UCN3: variants seen among roughly 807,000 people sequenced by gnomAD.
UCN3 encodes urocortin 3.
In UCN3, 3 loss-of-function variants were observed where a neutral mutation model predicts 3.6. The ratio of observed to expected loss-of-function variants is 0.83; its 90% CI spans 0.38 to 2.15. The LOEUF is 2.15. Ranked by LOEUF, UCN3 falls within the 30% of genes most tolerant of loss-of-function variation. UCN3 has a pLI of 0.06. For missense variants in UCN3, 206 were observed against 208.3 expected (o/e 0.99, Z 0.07); for synonymous variants, 100 against 93.2 (o/e 1.07, Z -0.42).
At position 5,372,353 on chromosome 10, in the gene UCN3, G is replaced by A. The variant is rs1185601902; in HGVS notation, c.-6-1362G>A. Among the ~76,000 whole-genome samples, 8 of 152,306 alleles carry A rather than the reference G, an allele frequency of 5.3e-5. No individual in the cohort carries two copies. The South Asian group carries it at 1.2e-3, about 24-fold the overall frequency. Reference sequence around the variant, plus strand: ...TGATGCTGCTACTGTGAAGGAGCCCGGCGGGAGGGTGCAGGTGGCTCAGCA... The same window carrying A: ...TGATGCTGCTACTGTGAAGGAGCCCAGCGGGAGGGTGCAGGTGGCTCAGCA... On this transcript the variant is annotated intron_variant, in intron 1 of 1. Transcript: ENST00000380433.
rs188656352 is a variant in UCN3, at chr10:5,368,345, G to A, written c.-7+3115G>A. 2.9e-3 allele frequency among the ~76,000 whole-genome samples: 441 copies of A among 152,226 alleles called. 6 individuals are homozygous for A. The highest frequency in any genetic ancestry group is 5.2e-3 in the Non-Finnish European group (352 of 68,002). ...GCTTACACCCACCCAGAGTCCAGGC[G>A]CCTTTCATTTGGTGAAAATCAAGAA... On this transcript the variant is annotated intron_variant, in intron 1 of 1. Coordinates refer to ENST00000380433, the MANE Select transcript of UCN3 (RefSeq NM_053049.4).
rs973722558 is a variant in UCN3 at position 5,374,154 on chromosome 10, C to T, written c.434C>T (p.Ala145Val). 1 of 1,612,690 alleles carries T rather than the reference C, an allele frequency of 6.2e-7. No homozygotes were observed. The highest frequency in any genetic ancestry group is 8.5e-7 in the Non-Finnish European group (1 of 1,179,776). The change falls in exon 2 of 2, where the codon GCC becomes GTC. Residue 145 changes from alanine (A) to valine (V), a missense_variant. Coordinates refer to ENST00000380433, the MANE Select transcript of UCN3 (RefSeq NM_053049.4). ...FNIAKAKNLR[A>V]QAAANAHLMA... ...ATCGCCAAGGCCAAGAACCTGCGTG[C>T]CCAGGCGGCCGCCAATGCCCACCTG...
intron 1 of UCN3, among the ~76,000 whole-genome samples, chr10:5,371,664 C>T (rs181213917): frequency 6.6e-6 from 1 of 152,092 alleles, no homozygotes; most frequent in African/African-American, 2.4e-5. Context: ...GAGACTGGAG[C>T]TTGAGCACCG....
rs372168809 is a variant in UCN3, at chr10:5,371,437, T to G, written c.-6-2278T>G. On this transcript the variant is annotated intron_variant, in intron 1 of 1. Coordinates refer to ENST00000380433, the MANE Select transcript of UCN3 (RefSeq NM_053049.4). ...GTGTGCTTGTCTATGTTCCTGTGCGTCCTGTGTGTGTGTCTGTTTCCAGGG... is the reference window on the plus strand; with the variant it reads ...GTGTGCTTGTCTATGTTCCTGTGCGGCCTGTGTGTGTGTCTGTTTCCAGGG... 6.5e-3 allele frequency among the ~76,000 whole-genome samples: 994 copies of G among 152,158 alleles called. 14 individuals are homozygous for G. Among genetic ancestry groups the G allele is most frequent in the African/African-American group, 0.023 (954 of 41,464 alleles).
rs1834109735 is a variant in UCN3, at chr10:5,365,624, GAC to G, written c.-7+395_-7+396del. 6.6e-6 allele frequency among the ~76,000 whole-genome samples: 1 copy of G among 152,176 alleles called. No homozygotes were observed. The highest frequency in any genetic ancestry group is 1.5e-5 in the Non-Finnish European group (1 of 68,032). ...GGGGCTAATGGGAGCCACAGGACAT[GAC>G]TCCACGCCGCCTGCAAAGCAGCGAG... On this transcript the variant is annotated intron_variant, in intron 1 of 1. Coordinates refer to ENST00000380433, the MANE Select transcript of UCN3 (RefSeq NM_053049.4). The surrounding 1 kb of genome is among the most constrained non-coding windows in gnomAD (Gnocchi z 4.4).
intron 1 of UCN3, among the ~76,000 whole-genome samples, chr10:5,371,285 A>G (rs550004269): frequency 2.0e-5 from 3 of 150,668 alleles, no homozygotes; most frequent in South Asian, 4.2e-4. Flanking sequence ...GCATGTATAT[A>G]TGTGTGTGCA....
chr10:5,371,845 T>C (rs528549432), intron 1 of UCN3, among the ~76,000 whole-genome samples: 3 of 152,358 alleles, frequency 2.0e-5, no homozygotes, highest in Admixed American at 6.5e-5. Flanking sequence ...CCCAAGTTGA[T>C]AGTGAACCAC....
At chr10:5,370,204 C>CGT (rs1564442520) in intron 1 of UCN3, among the ~76,000 whole-genome samples, 3 of 5,468 alleles carry the variant, frequency 5.5e-4, no homozygotes, top group African/African-American at 9.5e-4. Context: ...TGTGTATATG[C>CGT]GTGTGTATGT....
intron 1 of UCN3, among the ~76,000 whole-genome samples, chr10:5,373,279 C>A (rs1279416084): frequency 6.6e-6 from 1 of 152,166 alleles, no homozygotes; most frequent in Non-Finnish European, 1.5e-5. Context: ...GTCAGCCTTG[C>A]CAATGATGAA....
chr10:5,373,930 AGAG>A lies in UCN3; in HGVS notation c.221_223del (p.Glu74del), dbSNP rs782750409. 30 of 1,612,906 alleles carry A rather than the reference AGAG, an allele frequency of 1.9e-5. 1 individual carries two copies. The highest frequency in any genetic ancestry group is 6.7e-5 in the African/African-American group (5 of 74,800). ...TGCGCAGCAGAGACGCCTCTTCGGG[AGAG>A]GAGGAGGAGGGCAAAGAGAAAAAGA... On this transcript the variant is annotated inframe_deletion, in exon 2 of 2. Coordinates refer to ENST00000380433, the MANE Select transcript of UCN3 (RefSeq NM_053049.4).
intron 1 of UCN3, among the ~76,000 whole-genome samples, chr10:5,371,076 G>A (rs1564443961): frequency 6.6e-6 from 1 of 150,598 alleles, no homozygotes; most frequent in African/African-American, 2.5e-5. Flanking sequence ...TGTGAGGTGT[G>A]TATGTGTGTG....
intron 1 of UCN3, among the ~76,000 whole-genome samples, chr10:5,370,665 ATGTGTGTGTATGTG>A (rs1831383978): frequency 1.5e-5 from 1 of 68,466 alleles, no homozygotes; most frequent in Non-Finnish European, 2.7e-5. Context: ...ATGTGTGTGT[ATGTGTGTGTATGTG>A]TGTGTGTATG....
chr10:5,370,414 TGTGTGTATATGC>T lies in UCN3; in HGVS notation c.-6-3280_-6-3269del, dbSNP rs1158320474. ...GTGTGTATATGTGTGTGTATATGTGTGTGTGTATATGCGTGTGTATATGCGTGTGTATGTGTG... is the reference window on the plus strand; with the variant it reads ...GTGTGTATATGTGTGTGTATATGTGTGTGTGTATATGCGTGTGTATGTGTG... On this transcript the variant is annotated intron_variant, in intron 1 of 1. Coordinates refer to ENST00000380433, the MANE Select transcript of UCN3 (RefSeq NM_053049.4). 2.8e-4 allele frequency among the ~76,000 whole-genome samples: 31 copies of T among 110,592 alleles called. 4 individuals are homozygous for T. Among genetic ancestry groups the T allele is most frequent in the East Asian group, 1.0e-3 (3 of 2,896 alleles). The allele number at this position is 110,592 out of a possible 152,430, so 72.6% of individuals were successfully genotyped here.
Position 5,365,733 on chromosome 10 carries a change from A to G in UCN3, c.-7+503A>G, listed in dbSNP as rs1346204106. ...TCACTCTCGGGCACACCTGTGAAGC[A>G]GGTAACGTCTCCTTCCTAGGACGCG... On this transcript the variant is annotated intron_variant, in intron 1 of 1. Transcript: ENST00000380433. This position sits in a 1 kb window ranked among gnomAD's most constrained non-coding sequence, Gnocchi z 4.4. 6.6e-6 allele frequency among the ~76,000 whole-genome samples: 1 copy of G among 152,194 alleles called. No homozygotes were observed. The highest frequency in any genetic ancestry group is 1.5e-5 in the Non-Finnish European group (1 of 68,038).
intron 1 of UCN3, among the ~76,000 whole-genome samples, chr10:5,369,863 G>GTGTGTGTGTGTGTGTGTA (rs1831314402): frequency 7.4e-6 from 1 of 134,902 alleles, no homozygotes; most frequent in African/African-American, 3.2e-5. Context: ...ATCCACGTGG[G>GTGTGTGTGTGTGTGTGTA]TGTGTGTGTA....
rs781832102 is a variant in UCN3 at position 5,374,210 on chromosome 10, C to T, written c.*4C>T. On this transcript the variant is annotated 3_prime_UTR_variant, in exon 2 of 2. Transcript: ENST00000380433. ...GCAAATTGGGAGGAAGAAGTAGAGGCGGAGGCTGGACGGGAGGGCAGCGGG... is the reference window on the plus strand; with the variant it reads ...GCAAATTGGGAGGAAGAAGTAGAGGTGGAGGCTGGACGGGAGGGCAGCGGG... The T allele has an allele frequency of 1.7e-5, 21 of 1,254,644 alleles. No individual in the cohort carries two copies. Among genetic ancestry groups the T allele is most frequent in the Middle Eastern group, 4.6e-4 (2 of 4,346 alleles). 77.7% of individuals were successfully genotyped at this position (1,254,644 alleles called of 1,614,324 possible).
At chr10:5,369,879 GTGTGTATA>G (rs1831317556) in intron 1 of UCN3, among the ~76,000 whole-genome samples, 2 of 144,556 alleles carry the variant, frequency 1.4e-5, no homozygotes, top group African/African-American at 5.2e-5. Flanking sequence ...GTGTATATGT[GTGTGTATA>G]TGTGTGTGTG....
chr10:5,371,813 A>G (rs782082093), intron 1 of UCN3, among the ~76,000 whole-genome samples: 8 of 152,194 alleles, frequency 5.3e-5, no homozygotes, highest in Non-Finnish European at 1.2e-4. Flanking sequence ...ATTTTGAAAA[A>G]CTAACGTAAG....
chr10:5,370,102 CGTGTGTATATGT>C lies in UCN3; in HGVS notation c.-6-3604_-6-3593del, dbSNP rs1230200799. 1.5e-3 allele frequency among the ~76,000 whole-genome samples: 50 copies of C among 33,302 alleles called. 11 individuals are homozygous for C. The highest frequency in any genetic ancestry group is 5.2e-3 in the South Asian group (2 of 388). The allele number at this position is 33,302 out of a possible 152,430, so 21.8% of individuals were successfully genotyped here. A position where few individuals can be genotyped will look rare whatever the true frequency, so the allele number is the denominator to read the frequency against. On this transcript the variant is annotated intron_variant, in intron 1 of 1. Coordinates refer to ENST00000380433, the MANE Select transcript of UCN3 (RefSeq NM_053049.4). ...GCGTGTGTATATGCGTGTGTATATG[CGTGTGTATATGT>C]GTGTGTATGTGTGTGTATGTGTGTG...
Sources: allele counts gnomAD v4.1 joint callset (sites outside exome capture counted in the v4.1 genomes callset), GRCh38; gene constraint gnomAD v4.1.1; non-coding constraint Gnocchi (gnomAD v3.1); transcripts MANE v1.5; gene names NCBI Gene and HGNC (gene_info 2026-07-23, HGNC 2026-07-21).